The following THNSL2 variants were observed in gnomAD, a reference collection of about 807,000 sequenced individuals.
The protein encoded by THNSL2 is threonine synthase-like 2.
A neutral mutation model predicts 40.0 loss-of-function variants in THNSL2; 34 were observed. That is an observed-to-expected ratio of 0.85 (90% CI 0.65 to 1.13). The LOEUF is 1.13. Ranked by LOEUF, THNSL2 falls within the 50% of genes most tolerant of loss-of-function variation. The probability of loss-of-function intolerance (pLI) is 0.00; values close to 1 mark genes in which losing one functional copy is unlikely to be tolerated. For synonymous variants in THNSL2, 241 were observed against 247.5 expected (o/e 0.97, Z 0.25); for missense variants, 537 against 608.8 (o/e 0.88, Z 1.24).
chr2:88,175,485 G>T, intron 4 of THNSL2, 84 bp downstream of exon 4: 1 of 1,543,564 alleles, frequency 6.5e-7, no homozygotes, highest in South Asian at 1.2e-5. Flanking sequence ...GAACAAAATT[G>T]CACAGTTGGG....
intron 7 of THNSL2, 47 bp from the exon 8 acceptor site, chr2:88,185,277 TTCCC>T: frequency 6.4e-7 from 1 of 1,570,588 alleles, no homozygotes; most frequent in Non-Finnish European, 8.6e-7. Flanking sequence ...TTTGTCATCT[TTCCC>T]TACATCCCCC....
In THNSL2 at chr2:88,186,063, G is replaced by A. The variant is rs1014440820; in HGVS notation, c.1395G>A (p.Arg465=). The part of the protein sequence containing the change: ...RRGDNWMLML[R]DTIEDLSRQW... Reference sequence around the variant, plus strand: ...GTGACAACTGGATGCTGATGCTTCGGGACACCATTGAGGACCTTAGCCGAC... The same window carrying A: ...GTGACAACTGGATGCTGATGCTTCGAGACACCATTGAGGACCTTAGCCGAC... The change falls in exon 9 of 9, where the codon CGG becomes CGA. Residue 465 remains arginine, a synonymous_variant. Transcript: ENST00000674334. The A allele has an allele frequency of 1.5e-5, 23 of 1,582,740 alleles. No individual in the cohort carries two copies. Among genetic ancestry groups the A allele is most frequent in the Non-Finnish European group, 1.6e-5 (19 of 1,164,272 alleles).
At chr2:88,180,953 G>A (rs1486312942) in intron 5 of THNSL2, among the ~76,000 whole-genome samples, 1 of 152,042 alleles carries the variant, frequency 6.6e-6, no homozygotes, top group African/African-American at 2.4e-5. Flanking sequence ...TAGACCTCTT[G>A]GAACATTCAT....
intron 3 of THNSL2, 33 bp downstream of exon 3, chr2:88,174,866 G>C (rs1558886135): frequency 6.2e-7 from 1 of 1,606,876 alleles, no homozygotes; most frequent in Non-Finnish European, 8.5e-7. Flanking sequence ...CAGAATACCT[G>C]AGTGCTGTGA....
intron 7 of THNSL2, chr2:88,183,825 C>G (rs1276756004): frequency 1.3e-5 from 2 of 151,276 alleles, no homozygotes; most frequent in African/African-American, 4.8e-5. Context: ...CTTTAATTTT[C>G]TCTACCACAT....
At chr2:88,176,894 C>T (rs544752076) in intron 4 of THNSL2, 1 of 152,294 alleles carries the variant, frequency 6.6e-6, no homozygotes, top group East Asian at 1.9e-4. Flanking sequence ...TCCTGAGGGT[C>T]CTTGTTGTAC....
In THNSL2 at chr2:88,179,029, G is replaced by A; in HGVS notation, c.802+16G>A. The A allele has an allele frequency of 6.2e-7, 1 of 1,612,646 alleles. No individual in the cohort carries two copies. The highest frequency in any genetic ancestry group is 1.1e-5 in the South Asian group (1 of 91,046). On this transcript the variant is annotated intron_variant, in intron 5 of 8. Transcript: ENST00000674334. Reference sequence around the variant, plus strand: ...AACCTTGCAGGTAAGGAATCCCCGGGGCACAAATGGGCTTTCCAGAAAAAT... The same window carrying A: ...AACCTTGCAGGTAAGGAATCCCCGGAGCACAAATGGGCTTTCCAGAAAAAT...
At chr2:88,183,761 T>C (rs1677957640) in intron 7 of THNSL2, 1 of 150,130 alleles carries the variant, frequency 6.7e-6, no homozygotes, top group Non-Finnish European at 1.5e-5. Flanking sequence ...TAATGCAACC[T>C]GGTGATGGTA....
chr2:88,181,541 C>CTCTCTCTCCCT (rs1558895916), intron 5 of THNSL2, among the ~76,000 whole-genome samples: 2 of 112,126 alleles, frequency 1.8e-5, no homozygotes, highest in Non-Finnish European at 3.7e-5. Flanking sequence ...TCTCTCTCCC[C>CTCTCTCTCCCT]TCTCTCTCCC....
intron 1 of THNSL2, chr2:88,171,387 G>A (rs1004908536): frequency 6.6e-6 from 3 of 451,696 alleles, no homozygotes; most frequent in Non-Finnish European, 1.3e-5. Flanking sequence ...TTCCTGGACA[G>A]TTGTTCCATA....
chr2:88,171,551 G>C (rs970578441), intron 1 of THNSL2: 1 of 296,108 alleles, frequency 3.4e-6, no homozygotes, highest in African/African-American at 2.2e-5. Flanking sequence ...GTTTAAGTCT[G>C]GTCCTATGAA....
intron 5 of THNSL2, among the ~76,000 whole-genome samples, chr2:88,179,901 C>G (rs1056655843): frequency 6.6e-6 from 1 of 152,194 alleles, no homozygotes; most frequent in African/African-American, 2.4e-5. Flanking sequence ...AATTACTGTT[C>G]CTGATAGTTC....
intron 4 of THNSL2, chr2:88,176,885 C>T (rs1676993171): frequency 6.6e-6 from 1 of 152,192 alleles, no homozygotes; most frequent in Admixed American, 6.5e-5. Flanking sequence ...GATTCAGGCT[C>T]CTGAGGGTCC....
chr2:88,172,761 C>T (rs7569216), intron 1 of THNSL2: 141,441 of 161,254 alleles, frequency 0.88, 62,166 homozygotes, highest in East Asian at 0.93. Context: ...TGACTCTGTG[C>T]GTTGGTCTTT....
In THNSL2 at chr2:88,178,951, A is replaced by C; in HGVS notation, c.740A>C (p.Asp247Ala). The C allele has an allele frequency of 6.2e-7, 1 of 1,614,180 alleles. No homozygotes were observed. The highest frequency in any genetic ancestry group is 1.1e-5 in the South Asian group (1 of 91,082). ...TACTTCCAGTGTACGCCATCCTTGG[A>C]CACACATCCCCTACCCCTGGTGGAG... ...FAYFQCTPSL[D>A]THPLPLVEVV... The change falls in exon 5 of 9, where the codon GAC (aspartate) becomes GCC (alanine). Residue 247 changes from aspartate (D) to alanine (A), a missense_variant. By Grantham distance (126) the Asp-to-Ala change is moderately radical. Transcript: ENST00000674334.
At position 88,182,947 on chromosome 2, in the gene THNSL2, G is replaced by A. The variant is rs1406132111; in HGVS notation, c.952-1G>A. ...GGACCTGAAACTGACTTTCTGCTCA[G>A]GTGCCCTACAACATGGAGAGGGTGT... On this transcript the variant is annotated splice_acceptor_variant, in intron 6 of 8. Coordinates refer to ENST00000674334, the MANE Select transcript of THNSL2 (RefSeq NM_018271.5). LOFTEE classifies it high-confidence loss of function. 1 of 1,614,038 alleles carries A rather than the reference G, an allele frequency of 6.2e-7. No homozygotes were observed. Among genetic ancestry groups the A allele is most frequent in the Non-Finnish European group, 8.5e-7 (1 of 1,180,034 alleles).
At chr2:88,180,072 G>A (rs2104219772) in intron 5 of THNSL2, among the ~76,000 whole-genome samples, 1 of 152,364 alleles carries the variant, frequency 6.6e-6, no homozygotes, top group South Asian at 2.1e-4. Context: ...GCCACTCATG[G>A]GATAAAGCCT....
At position 88,182,743 on chromosome 2, in the gene THNSL2, G is replaced by C. The variant is rs147776956; in HGVS notation, c.847G>C (p.Val283Leu). 3.7e-6 allele frequency: 6 copies of C among 1,613,974 alleles called. No individual in the cohort carries two copies. The highest frequency in any genetic ancestry group is 4.2e-6 in the Non-Finnish European group (5 of 1,179,942). ...GATAGGCCTGCCCATCCGTCTGGTC[G>C]TGGCAGTGAACCGCAATGACATCAT... ...QKIGLPIRLVVAVNRNDIIHR... is the reference protein window; with the variant it reads ...QKIGLPIRLVLAVNRNDIIHR... The change falls in exon 6 of 9, where the codon GTG becomes CTG. Residue 283 changes from valine (V) to leucine (L), a missense_variant. Physicochemically the swap from Val to Leu is conservative, Grantham distance 32. Transcript: ENST00000674334.
chr2:88,177,042 A>G (rs908124498), intron 4 of THNSL2: 1 of 152,228 alleles, frequency 6.6e-6, no homozygotes, highest in African/African-American at 2.4e-5. Flanking sequence ...TGTGAGTGAA[A>G]GCTCCATTCC....
Sources: allele counts gnomAD v4.1 joint callset (sites outside exome capture counted in the v4.1 genomes callset), GRCh38; gene constraint gnomAD v4.1.1; transcripts MANE v1.5; gene names NCBI Gene and HGNC (gene_info 2026-07-23, HGNC 2026-07-21).